PLD1: variants seen among roughly 807,000 people sequenced by gnomAD.
PLD1 encodes the protein choline phosphatase 1.
In PLD1, 112 loss-of-function variants were observed where a neutral mutation model predicts 137.1. The observed-to-expected ratio is 0.82, with a 90% CI of 0.70 to 0.96. The LOEUF is 0.96. Among genes scored for constraint, PLD1 ranks in the 40% least tolerant of loss-of-function variants. The pLI, the probability that PLD1 is intolerant of heterozygous loss-of-function variation, is 0.00. For missense variants in PLD1, 1,321 were observed against 1,342.0 expected (o/e 0.98, Z 0.24); for synonymous variants, 431 against 454.7 (o/e 0.95, Z 0.66).
rs1020209615 is a variant in PLD1, at chr3:171,607,818, G to C, written c.2883-2402C>G. On this transcript the variant is annotated intron_variant, in intron 25 of 26. Transcript: ENST00000351298. ...AAGTTTGGATAATTTTCTAGGACTT[G>C]AACTGTTCAGCTTATAGCTGTGAAA... Among the ~76,000 whole-genome samples, 4 of 152,220 alleles carry C rather than the reference G, an allele frequency of 2.6e-5. No individual in the cohort carries two copies. The South Asian group carries it at 8.3e-4, about 32-fold the overall frequency.
At chr3:171,781,791 T>C (rs1722804974) in intron 1 of PLD1, among the ~76,000 whole-genome samples, 1 of 152,198 alleles carries the variant, frequency 6.6e-6, no homozygotes. Context: ...TGGGTCACAG[T>C]GTAAAACTAC....
In PLD1 at chr3:171,737,986, A is replaced by G; in HGVS notation, c.66T>C (p.Ser22=). Residue 22 remains serine (S), a synonymous_variant, in exon 2 of 27, where the codon AGT becomes AGC. Coordinates refer to ENST00000351298, the MANE Select transcript of PLD1 (RefSeq NM_002662.5). ...GCGTGTCCAGATTTTCTATGATATTACTCATGTCAGCAGCAATTTTCTGCA... is the reference window on the plus strand; with the variant it reads ...GCGTGTCCAGATTTTCTATGATATTGCTCATGTCAGCAGCAATTTTCTGCA... ...SALQKIAADM[S]NIIENLDTRE... The G allele has an allele frequency of 6.2e-7, 1 of 1,613,842 alleles. No individual in the cohort carries two copies. Among genetic ancestry groups the G allele is most frequent in the Non-Finnish European group, 8.5e-7 (1 of 1,179,814 alleles).
intron 1 of PLD1, among the ~76,000 whole-genome samples, chr3:171,783,596 T>A (rs1035870650): frequency 2.0e-5 from 3 of 152,106 alleles, no homozygotes; most frequent in South Asian, 2.1e-4. Context: ...CTGTTTTTTT[T>A]ATTTTATTTT....
chr3:171,764,095 C>T (rs1307812973), intron 1 of PLD1, among the ~76,000 whole-genome samples: 1 of 152,090 alleles, frequency 6.6e-6, no homozygotes, highest in African/African-American at 2.4e-5. Flanking sequence ...CCTCAGCCTC[C>T]CAAATACCTG....
intron 26 of PLD1, among the ~76,000 whole-genome samples, chr3:171,604,807 G>A (rs1403077808): frequency 6.6e-6 from 1 of 152,174 alleles, no homozygotes; most frequent in Non-Finnish European, 1.5e-5. Flanking sequence ...TACACTATGT[G>A]CTAAAACCAT....
At chr3:171,707,904 T>C (rs2108560575) in intron 11 of PLD1, among the ~76,000 whole-genome samples, 2 of 152,334 alleles carry the variant, frequency 1.3e-5, no homozygotes, top group South Asian at 4.1e-4. Flanking sequence ...GAATTAGATA[T>C]TGATATTGCC....
chr3:171,607,364 A>C (rs1055926351), intron 25 of PLD1, among the ~76,000 whole-genome samples: 1 of 152,190 alleles, frequency 6.6e-6, no homozygotes, highest in African/African-American at 2.4e-5. Flanking sequence ...AAAATTGAGC[A>C]GAAAGAGTTT....
chr3:171,750,080 C>T (rs1035001279), intron 1 of PLD1, among the ~76,000 whole-genome samples: 6 of 152,134 alleles, frequency 3.9e-5, no homozygotes, highest in Non-Finnish European at 5.9e-5. Context: ...ATAGAAGAAA[C>T]GGAAAGATGT....
intron 11 of PLD1, among the ~76,000 whole-genome samples, chr3:171,703,476 A>G (rs1160464789): frequency 6.6e-6 from 1 of 152,248 alleles, no homozygotes; most frequent in East Asian, 1.9e-4. Flanking sequence ...TAATAAATTA[A>G]TTTAGCAAGG....
intron 23 of PLD1, among the ~76,000 whole-genome samples, chr3:171,621,271 C>T (rs918569789): frequency 3.3e-5 from 5 of 152,154 alleles, no homozygotes; most frequent in Non-Finnish European, 7.4e-5. Context: ...TAAGCCAAGT[C>T]ATAATCATGA....
chr3:171,718,021 A>G (rs1717804547), intron 8 of PLD1, among the ~76,000 whole-genome samples: 2 of 152,230 alleles, frequency 1.3e-5, no homozygotes, highest in African/African-American at 2.4e-5. Flanking sequence ...TATGTGATGA[A>G]TCACATTTAT....
At chr3:171,624,052 G>A (rs558005834) in intron 23 of PLD1, among the ~76,000 whole-genome samples, 18 of 148,046 alleles carry the variant, frequency 1.2e-4, no homozygotes, top group African/African-American at 3.7e-4. Context: ...ATAACAACAC[G>A]TTTGCATGAC....
intron 24 of PLD1, among the ~76,000 whole-genome samples, chr3:171,614,826 C>T (rs369354537): frequency 7.2e-5 from 11 of 152,356 alleles, no homozygotes; most frequent in Middle Eastern, 6.8e-3. Flanking sequence ...AAGCCCCCTC[C>T]GCACACACAT....
intron 23 of PLD1, among the ~76,000 whole-genome samples, chr3:171,631,901 C>A (rs1432870941): frequency 2.6e-5 from 4 of 152,120 alleles, no homozygotes; most frequent in Non-Finnish European, 5.9e-5. Flanking sequence ...TGGTAACTAT[C>A]ATGATAATTG....
At chr3:171,668,648 GTAGGACTGAAGACA>G (rs1200302832) in intron 19 of PLD1, among the ~76,000 whole-genome samples, 1 of 146,920 alleles carries the variant, frequency 6.8e-6, no homozygotes, top group Non-Finnish European at 1.5e-5. Context: ...TTTCCCATAA[GTAGGACTGAAGACA>G]TTATTCCAGT....
At chr3:171,733,551 T>A in intron 5 of PLD1, 42 bp from the exon 6 acceptor site, 1 of 768,056 alleles carries the variant, frequency 1.3e-6, no homozygotes. Context: ...CATGGTCATA[T>A]TTATTTTTAA....
Position 171,620,475 on chromosome 3 carries a change from G to A in PLD1, c.2639C>T (p.Thr880Ile), listed in dbSNP as rs779173669. ...TAGGTTTCCTTCGAGCTCTGCATGTGTTCTAAGACCACAGAATGATATGTA... is the reference window on the plus strand; with the variant it reads ...TAGGTTTCCTTCGAGCTCTGCATGTATTCTAAGACCACAGAATGATATGTA... ...INYISFCGLR[T>I]HAELEGNLVT... The change falls in exon 24 of 27, where the codon ACA (threonine) becomes ATA (isoleucine). Residue 880 changes from threonine (T) to isoleucine (I), a missense_variant. Thr to Ile is a moderately conservative substitution (Grantham distance 89). Transcript: ENST00000351298. 8.8e-6 allele frequency: 14 copies of A among 1,598,876 alleles called. No homozygotes were observed. The highest frequency in any genetic ancestry group is 1.7e-4 in the Middle Eastern group (1 of 5,936).
chr3:171,697,417 T>C (rs1478553110), intron 12 of PLD1, among the ~76,000 whole-genome samples: 1 of 151,836 alleles, frequency 6.6e-6, no homozygotes, highest in Non-Finnish European at 1.5e-5. Flanking sequence ...GCTAATTGTT[T>C]TGTATTTTTA....
intron 26 of PLD1, 106 bp from the exon 27 acceptor site, chr3:171,603,408 ATAT>A (rs1251561417): frequency 1.4e-6 from 1 of 736,314 alleles, no homozygotes; most frequent in Non-Finnish European, 2.3e-6. Context: ...TGTATGAAAC[ATAT>A]TATTAGTCTT....
Sources: allele counts gnomAD v4.1 joint callset (sites outside exome capture counted in the v4.1 genomes callset), GRCh38; gene constraint gnomAD v4.1.1; transcripts MANE v1.5; gene names NCBI Gene and HGNC (gene_info 2026-07-23, HGNC 2026-07-21).